The following CSMD1 variants were observed in gnomAD, a reference collection of about 807,000 sequenced individuals.
CSMD1 encodes CUB and sushi domain-containing protein 1.
Under a neutral mutation model 417.5 loss-of-function variants are expected in CSMD1, and 213 were observed. The observed-to-expected ratio is 0.51, with a 90% CI of 0.46 to 0.57. CSMD1 has a LOEUF of 0.57. Among genes scored for constraint, CSMD1 ranks in the 20% least tolerant of loss-of-function variants. CSMD1 has a pLI of 0.00. For missense variants in CSMD1, 6,923 were observed against 4,529.7 expected, an observed-to-expected ratio of 1.53 and a Z score of -15.17; for synonymous variants, 2,862 against 1,736.8, an observed-to-expected ratio of 1.65 and a Z score of -16.11.
At chr8:3,538,022 G>T (rs140009017) in intron 10 of CSMD1, among the ~76,000 whole-genome samples, 1 of 152,312 alleles carries the variant, frequency 6.6e-6, no homozygotes, top group Non-Finnish European at 1.5e-5. Flanking sequence ...CTACAAGACT[G>T]TGGTAAACCC....
chr8:2,962,712 T>C, intron 60 of CSMD1, 73 bp from the exon 61 acceptor site: 2 of 1,442,250 alleles, frequency 1.4e-6, no homozygotes, highest in Non-Finnish European at 1.9e-6. Context: ...GCTTGGTAAC[T>C]AGTTTCTGTT....
At chr8:4,529,999 C>T (rs1796715648) in intron 2 of CSMD1, among the ~76,000 whole-genome samples, 1 of 152,012 alleles carries the variant, frequency 6.6e-6, no homozygotes, top group East Asian at 1.9e-4. Flanking sequence ...ACTGCAAGCC[C>T]CGCCTTCCGG....
At chr8:4,027,038 G>A (rs1044833880) in intron 4 of CSMD1, among the ~76,000 whole-genome samples, 1 of 152,184 alleles carries the variant, frequency 6.6e-6, no homozygotes, top group East Asian at 1.9e-4. Flanking sequence ...AAGGAACACA[G>A]AACTTGGAAA....
At chr8:4,332,294 T>C (rs1245119325) in intron 3 of CSMD1, among the ~76,000 whole-genome samples, 2 of 152,130 alleles carry the variant, frequency 1.3e-5, no homozygotes, top group Non-Finnish European at 2.9e-5. Flanking sequence ...CAAGCCTCTC[T>C]TGGAGATGCT....
Position 4,744,942 on chromosome 8 carries a change from T to C in CSMD1, c.86-107384A>G, listed in dbSNP as rs140020801. On this transcript the variant is annotated intron_variant, in intron 1 of 69. Transcript: ENST00000635120. ...AAATCCAAATCAACATTTTAAAAAA[T>C]AGTTCTTCAACTATTTCAAATCAGA... Among the ~76,000 whole-genome samples, 4 of 152,296 alleles carry C rather than the reference T, an allele frequency of 2.6e-5. No homozygotes were observed. The East Asian group carries it at 7.7e-4, about 29-fold the overall frequency.
rs577233692 is a variant in CSMD1, at chr8:4,040,310, G to C, written c.416-8211C>G. On this transcript the variant is annotated intron_variant, in intron 3 of 69. Coordinates refer to ENST00000635120, the MANE Select transcript of CSMD1 (RefSeq NM_033225.6). ...TATGTGCTAGACACTGTTCCAAGTC[G>C]TTTATATATATTGAGTATGTATCAG... Among the ~76,000 whole-genome samples the C allele has an allele frequency of 4.5e-4, 68 of 152,254 alleles. 1 individual carries two copies. Among genetic ancestry groups the C allele is most frequent in the African/African-American group, 1.3e-3 (55 of 41,554 alleles).
chr8:3,851,214 G>T (rs928000205), intron 5 of CSMD1, among the ~76,000 whole-genome samples: 11 of 152,212 alleles, frequency 7.2e-5, no homozygotes, highest in Admixed American at 6.5e-5. Context: ...ATGCTAGAAG[G>T]TAGAATATTT....
chr8:3,414,270 G>A (rs910597257), intron 12 of CSMD1, among the ~76,000 whole-genome samples: 1 of 111,620 alleles, frequency 9.0e-6, no homozygotes, highest in East Asian at 2.8e-4. Context: ...CCAAATTATT[G>A]AACTAGATAT....
chr8:3,922,057 T>A (rs926062784), intron 5 of CSMD1, among the ~76,000 whole-genome samples: 1 of 152,178 alleles, frequency 6.6e-6, no homozygotes, highest in Non-Finnish European at 1.5e-5. Flanking sequence ...TATATGTAGG[T>A]GCTACAATGT....
Position 4,506,006 on chromosome 8 carries a change from C to G in CSMD1, c.303-85941G>C, listed in dbSNP as rs1802506335. Among the ~76,000 whole-genome samples the G allele has an allele frequency of 2.0e-5, 3 of 151,946 alleles. 1 individual carries two copies. In the South Asian group the frequency reaches 6.2e-4, roughly 32 times the overall value. On this transcript the variant is annotated intron_variant, in intron 2 of 69. Coordinates refer to ENST00000635120, the MANE Select transcript of CSMD1 (RefSeq NM_033225.6). ...GGAGATGGGGTGTCAATATGTTGCC[C>G]AGGCTGGTCTCAAACTCTGCCCCAA...
intron 3 of CSMD1, among the ~76,000 whole-genome samples, chr8:4,095,889 G>T (rs1237984620): frequency 6.6e-6 from 1 of 152,112 alleles, no homozygotes; most frequent in Non-Finnish European, 1.5e-5. Context: ...GTTAAGAGTA[G>T]AAACTTTATA....
intron 1 of CSMD1, among the ~76,000 whole-genome samples, chr8:4,715,012 T>A (rs376436077): frequency 5.3e-5 from 8 of 152,316 alleles, no homozygotes; most frequent in African/African-American, 1.9e-4. Context: ...TAATTTCATA[T>A]CATTTTAACA....
chr8:4,256,683 C>G (rs1024960574), intron 3 of CSMD1, among the ~76,000 whole-genome samples: 1 of 151,776 alleles, frequency 6.6e-6, no homozygotes, highest in African/African-American at 2.4e-5. Context: ...AGGAAGAATC[C>G]CAGCAGATGG....
At chr8:3,213,922 A>C (rs368550778) in intron 30 of CSMD1, among the ~76,000 whole-genome samples, 1 of 151,608 alleles carries the variant, frequency 6.6e-6, no homozygotes, top group East Asian at 2.0e-4. Context: ...CAGTGGCACA[A>C]TCTCAGCTCA....
At chr8:3,682,202 A>T (rs1023267140) in intron 7 of CSMD1, among the ~76,000 whole-genome samples, 3 of 152,228 alleles carry the variant, frequency 2.0e-5, no homozygotes, top group African/African-American at 7.2e-5. Flanking sequence ...GGATCTAATT[A>T]AACTAAAGAG....
Position 3,205,763 on chromosome 8 carries a change from G to T in CSMD1, c.4868-143C>A, listed in dbSNP as rs1797218256. On this transcript the variant is annotated intron_variant, in intron 30 of 69. Transcript: ENST00000635120. ...AGAAGTTAAAATCTTGTTTTGCATT[G>T]CTATCAAAGTCATAGAAAGACAAAG... is the stretch of plus-strand genomic sequence containing the variant. 27 of 482,082 alleles carry T rather than the reference G, an allele frequency of 5.6e-5. No homozygotes were observed. In the South Asian group the frequency reaches 8.8e-4, roughly 16 times the overall value. 29.9% of individuals were successfully genotyped at this position (482,082 alleles called of 1,614,324 possible).
chr8:4,838,261 AAGTAGTGTCAAAGTGTC>A (rs1800620069), intron 1 of CSMD1, among the ~76,000 whole-genome samples: 1 of 152,184 alleles, frequency 6.6e-6, no homozygotes, highest in Non-Finnish European at 1.5e-5. Context: ...TTGACTGAGC[AAGTAGTGTCAAAGTGTC>A]AGGAGACGTC....
intron 10 of CSMD1, among the ~76,000 whole-genome samples, chr8:3,565,577 CTCT>C (rs1447754523): frequency 1.3e-5 from 2 of 152,138 alleles, no homozygotes; most frequent in Non-Finnish European, 2.9e-5. Context: ...AAGTGAATGC[CTCT>C]TCTTCATCTC....
At chr8:3,768,355 T>C (rs975390230) in intron 5 of CSMD1, among the ~76,000 whole-genome samples, 16 of 152,204 alleles carry the variant, frequency 1.1e-4, no homozygotes, top group African/African-American at 2.7e-4. Flanking sequence ...TTCAATATGA[T>C]TGGGAAATTC....
Sources: gnomAD v4.1 joint callset for allele counts (sites outside exome capture counted in the v4.1 genomes callset) on GRCh38, gnomAD v4.1.1 for gene constraint, MANE v1.5 for transcripts, NCBI Gene and HGNC (gene_info 2026-07-23, HGNC 2026-07-21) for gene names.